The following SMG6 variants were observed in gnomAD, a reference collection of about 807,000 sequenced individuals.
The protein encoded by SMG6 is telomerase-binding protein EST1A.
SMG6 carries 66 observed loss-of-function variants against 142.2 expected under a neutral mutation model. The ratio of observed to expected loss-of-function variants is 0.46; its 90% CI spans 0.38 to 0.57. SMG6 has a LOEUF of 0.57. SMG6 is among the 20% of genes least tolerant of loss of function. The pLI is 0.00. For synonymous variants in SMG6, 779 were observed against 702.4 expected (o/e 1.11, Z -1.72); for missense variants, 1,793 against 1,832.0 (o/e 0.98, Z 0.39).
intron 13 of SMG6, among the ~76,000 whole-genome samples, chr17:2,086,547 T>C (rs1489987009): frequency 1.3e-5 from 2 of 152,150 alleles, no homozygotes; most frequent in Admixed American, 6.5e-5. Context: ...AAAGCTATAC[T>C]CTTTCTGACG....
intron 15 of SMG6, among the ~76,000 whole-genome samples, chr17:2,073,207 C>A (rs2068156273): frequency 6.6e-6 from 1 of 151,870 alleles, no homozygotes; most frequent in Admixed American, 6.5e-5. Flanking sequence ...CCTCAGCCTC[C>A]CAAGTAGCTG....
chr17:2,167,685 G>T (rs1276839415), intron 13 of SMG6, among the ~76,000 whole-genome samples: 1 of 152,154 alleles, frequency 6.6e-6, no homozygotes, highest in South Asian at 2.1e-4. Flanking sequence ...CTCCCAGGCT[G>T]TGTTGGCAAT....
intron 8 of SMG6, among the ~76,000 whole-genome samples, chr17:2,270,624 C>A (rs1212132430): frequency 2.0e-5 from 3 of 152,130 alleles, no homozygotes; most frequent in Non-Finnish European, 2.9e-5. Flanking sequence ...AAAAAAAATT[C>A]TTCAACTAAA....
intron 8 of SMG6, among the ~76,000 whole-genome samples, chr17:2,255,264 C>T (rs1017698297): frequency 3.3e-5 from 5 of 150,696 alleles, no homozygotes; most frequent in East Asian, 2.0e-4. Flanking sequence ...ATTAGCCGGG[C>T]GTGGTGGCGG....
chr17:2,128,340 A>G (rs937936149), intron 13 of SMG6, among the ~76,000 whole-genome samples: 2 of 152,188 alleles, frequency 1.3e-5, no homozygotes, highest in Admixed American at 6.5e-5. Flanking sequence ...CTTCAGGTAG[A>G]CCAGCCGCAT....
intron 10 of SMG6, among the ~76,000 whole-genome samples, chr17:2,233,899 C>T (rs554789625): frequency 2.6e-5 from 4 of 152,204 alleles, no homozygotes; most frequent in African/African-American, 4.8e-5. Flanking sequence ...CTTGGCAGCA[C>T]GTCCACAGAG....
chr17:2,299,545 C>A lies in SMG6; in HGVS notation c.1208G>T (p.Gly403Val). 6.2e-7 allele frequency: 1 copy of A among 1,614,122 alleles called. No individual in the cohort carries two copies. The highest frequency in any genetic ancestry group is 8.5e-7 in the Non-Finnish European group (1 of 1,180,034). Residue 403 changes from glycine to valine, a missense_variant, in exon 2 of 19, where the codon GGT becomes GTT. Physicochemically the swap from Gly to Val is moderately radical, Grantham distance 109. Coordinates refer to ENST00000263073, the MANE Select transcript of SMG6 (RefSeq NM_017575.5). The surrounding 1 kb of genome is among the most constrained non-coding windows in gnomAD (Gnocchi z 4.3). Reference sequence around the variant, plus strand: ...CAAAATCAGAATGCCACGACCACGACCCCGAAGTTCTTGTTTCGGGTTTTT... The same window carrying A: ...CAAAATCAGAATGCCACGACCACGAACCCGAAGTTCTTGTTTCGGGTTTTT... ...ESKNPKQELRGRGRGILILPA... is the reference protein window; with the variant it reads ...ESKNPKQELRVRGRGILILPA...
chr17:2,273,586 T>C (rs2074586088), intron 8 of SMG6, among the ~76,000 whole-genome samples: 1 of 152,100 alleles, frequency 6.6e-6, no homozygotes, highest in African/African-American at 2.4e-5. Flanking sequence ...CGAGCAGAGA[T>C]TGTGCCATTG....
intron 10 of SMG6, among the ~76,000 whole-genome samples, chr17:2,210,697 C>T (rs1057100178): frequency 2.0e-5 from 3 of 147,632 alleles, no homozygotes; most frequent in South Asian, 2.2e-4. Context: ...ATGAGCAAAC[C>T]GAGAGAAAAC....
chr17:2,178,232 G>A (rs1031533871), intron 12 of SMG6, among the ~76,000 whole-genome samples: 8 of 152,126 alleles, frequency 5.3e-5, no homozygotes, highest in Non-Finnish European at 1.2e-4. Flanking sequence ...AATTCTATGC[G>A]GCTCCTGGAG....
rs147536122 is a variant in SMG6, at chr17:2,142,075, G to T, written c.3357+30583C>A. Among the ~76,000 whole-genome samples, 93 of 152,068 alleles carry T rather than the reference G, an allele frequency of 6.1e-4. 1 individual carries two copies. The highest frequency in any genetic ancestry group is 2.1e-3 in the African/African-American group (86 of 41,468). On this transcript the variant is annotated intron_variant, in intron 13 of 18. Transcript: ENST00000263073. Reference sequence around the variant, plus strand: ...TGGCGGGAGGACAGGATCTCACTATGGCTGGACTCCAATGCCTGGGCTCCA... The same window carrying T: ...TGGCGGGAGGACAGGATCTCACTATTGCTGGACTCCAATGCCTGGGCTCCA...
rs572465851 is a variant in SMG6 at position 2,270,266 on chromosome 17, G to A, written c.2661+12381C>T. The stretch of plus-strand genomic sequence containing the variant: ...ATAATATGCCACTAATAATGCAAGA[G>A]AAGAAAAATAATCACATATACACCT... On this transcript the variant is annotated intron_variant, in intron 8 of 18. Transcript: ENST00000263073. Among the ~76,000 whole-genome samples the A allele has an allele frequency of 4.6e-5, 7 of 152,246 alleles. No homozygotes were observed. The South Asian group carries it at 1.5e-3, about 32-fold the overall frequency.
chr17:2,173,957 CT>C (rs1231064778), intron 12 of SMG6, among the ~76,000 whole-genome samples: 7 of 150,496 alleles, frequency 4.7e-5, no homozygotes, highest in African/African-American at 1.7e-4. Flanking sequence ...AGGAAAGCAC[CT>C]AACCAGGAGT....
chr17:2,226,244 C>T (rs998286848), intron 10 of SMG6, among the ~76,000 whole-genome samples: 5 of 147,336 alleles, frequency 3.4e-5, no homozygotes, highest in Non-Finnish European at 7.4e-5. Context: ...CATTGCACTC[C>T]AGCCTAGGAA....
At chr17:2,235,885 C>A (rs774709723) in intron 10 of SMG6, 24 of 152,204 alleles carry the variant, frequency 1.6e-4, no homozygotes, top group African/African-American at 5.8e-4. Flanking sequence ...CCACCCGACC[C>A]CCTATGAAAA....
At chr17:2,141,613 A>C (rs1484442795) in intron 13 of SMG6, among the ~76,000 whole-genome samples, 1 of 151,962 alleles carries the variant, frequency 6.6e-6, no homozygotes, top group African/African-American at 2.4e-5. Flanking sequence ...CTAATTTTTA[A>C]AAAATTTTTT....
chr17:2,283,006 A>C (rs1244474601), intron 7 of SMG6, 147 bp from the exon 8 acceptor site: 5 of 696,550 alleles, frequency 7.2e-6, no homozygotes, highest in African/African-American at 3.6e-5. Context: ...CCCTGTCTCT[A>C]CTAAAAATAC....
chr17:2,079,478 CA>C (rs66730682), intron 15 of SMG6, among the ~76,000 whole-genome samples: 95,070 of 151,298 alleles, frequency 0.63, 30,179 homozygotes, highest in Middle Eastern at 0.7. Context: ...ACGAAAAATA[CA>C]AAAAAAATTA....
Position 2,065,510 on chromosome 17 carries a change from G to C in SMG6, c.4005C>G (p.Leu1335=), listed in dbSNP as rs2232489. 6.2e-7 allele frequency: 1 copy of C among 1,613,620 alleles called. No individual in the cohort carries two copies. The highest frequency in any genetic ancestry group is 1.3e-5 in the African/African-American group (1 of 74,914). Residue 1335 remains leucine, a synonymous_variant, in exon 17 of 19, where the codon CTC becomes CTG. Coordinates refer to ENST00000263073, the MANE Select transcript of SMG6 (RefSeq NM_017575.5). ...CCTCACTGCGGAAGGCGATGGATTC[G>C]AGTTCATTGCCACGGCTGGTCAGGG... The part of the protein sequence containing the change: ...LRALTSRGNE[L]ESIAFRSEDI...
Sources: allele counts gnomAD v4.1 joint callset (sites outside exome capture counted in the v4.1 genomes callset), GRCh38; gene constraint gnomAD v4.1.1; non-coding constraint Gnocchi (gnomAD v3.1); transcripts MANE v1.5; gene names NCBI Gene and HGNC (gene_info 2026-07-23, HGNC 2026-07-21).